MPP2: variants seen among roughly 807,000 people sequenced by gnomAD.
The protein encoded by MPP2 is MAGUK p55 subfamily member 2.
In MPP2, 42 loss-of-function variants were observed where a neutral mutation model predicts 58.5. The observed-to-expected ratio is 0.72, with a 90% confidence interval of 0.56 to 0.93. The LOEUF (loss-of-function observed/expected upper bound fraction) is 0.93. Ranked by LOEUF, MPP2 falls within the 40% of genes least tolerant of loss-of-function variation. MPP2 has a pLI of 0.00. For synonymous variants in MPP2, 300 were observed against 307.8 expected, an observed-to-expected ratio of 0.97 and a Z score of 0.26; for missense variants, 632 against 760.4, an observed-to-expected ratio of 0.83 and a Z score of 1.99.
At chr17:43,887,362 T>C (rs1165911945) in intron 3 of MPP2, among the ~76,000 whole-genome samples, 1 of 152,118 alleles carries the variant, frequency 6.6e-6, no homozygotes, top group Non-Finnish European at 1.5e-5. Flanking sequence ...CCAGCCTGAG[T>C]GACAGAGCAA....
intron 1 of MPP2, among the ~76,000 whole-genome samples, chr17:43,906,587 G>T (rs1284067048): frequency 6.6e-6 from 1 of 152,210 alleles, no homozygotes; most frequent in Non-Finnish European, 1.5e-5. Context: ...TCTGACAAAG[G>T]CGCTTTGGAG....
At chr17:43,906,389 A>G (rs1359476616) in intron 1 of MPP2, among the ~76,000 whole-genome samples, 1 of 152,180 alleles carries the variant, frequency 6.6e-6, no homozygotes, top group Non-Finnish European at 1.5e-5. Context: ...GCACCCAGAC[A>G]TCTGGGAACC....
Position 43,879,803 on chromosome 17 carries a change from G to T in MPP2, c.1332C>A (p.Cys444Ter). The T allele has an allele frequency of 6.2e-7, 1 of 1,613,642 alleles. No homozygotes were observed. Among genetic ancestry groups the T allele is most frequent in the Non-Finnish European group, 8.5e-7 (1 of 1,179,868 alleles). Residue 444 changes from cysteine (C) to a stop codon, truncating the protein, a stop_gained, in exon 11 of 13, where the codon TGC (cysteine) becomes TGA (stop). Coordinates refer to ENST00000269095, the MANE Select transcript of MPP2 (RefSeq NM_005374.5). LOFTEE classifies it high-confidence loss of function. The surrounding 1 kb of genome is among the most constrained non-coding windows in gnomAD (Gnocchi z 4.1). Reference protein sequence around the residue: ...IRGVVAAGKVCVLDVNPQAVK... With the variant: ...IRGVVAAGKV ...GTACCTGGGGGTTGACATCCAGCAC[G>T]CACACCTTCCCAGCAGCGACCACGC...
chr17:43,881,777 G>A (rs1339297962), intron 6 of MPP2, among the ~76,000 whole-genome samples, 188 bp from the exon 7 acceptor site: 2 of 152,128 alleles, frequency 1.3e-5, no homozygotes, highest in Non-Finnish European at 2.9e-5. Flanking sequence ...TAGTACTACA[G>A]GATTCAGATC....
Position 43,880,586 on chromosome 17 carries a change from A to G in MPP2, c.1150+105T>C. On this transcript the variant is annotated intron_variant, in intron 10 of 12. Coordinates refer to ENST00000269095, the MANE Select transcript of MPP2 (RefSeq NM_005374.5). The surrounding 1 kb of genome is among the most constrained non-coding windows in gnomAD (Gnocchi z 5.2). ...CCCAACCCGTGTACCCAAAGGTACC[A>G]CCTGGCCTGGTGCCCATGAAGATGC... The G allele has an allele frequency of 7.4e-7, 1 of 1,351,518 alleles. No individual in the cohort carries two copies. The highest frequency in any genetic ancestry group is 1.0e-6 in the Non-Finnish European group (1 of 1,001,856). The allele number at this position is 1,351,518 out of a possible 1,614,324, so 83.7% of individuals were successfully genotyped here.
In MPP2 at chr17:43,881,480, T is replaced by C; in HGVS notation, c.791A>G (p.Gln264Arg). ...NAGDLLQIVN[Q>R]DDANWWQACH... is the part of the protein sequence containing the mutation. ...CACCTGCCACCAGTTGGCATCATCC[T>C]GGTTTACGATCTGGAGCAAGTCCCC... The change falls in exon 7 of 13, where the codon CAG becomes CGG. Residue 264 changes from glutamine to arginine, a missense_variant. By Grantham distance (43) the Gln-to-Arg change is conservative (BLOSUM62 1). Transcript: ENST00000269095. 6.2e-7 allele frequency: 1 copy of C among 1,614,158 alleles called. No individual in the cohort carries two copies. The highest frequency in any genetic ancestry group is 8.5e-7 in the Non-Finnish European group (1 of 1,179,998).
chr17:43,898,345 G>A lies in MPP2; in HGVS notation c.67C>T (p.Pro23Ser), dbSNP rs1717000240. 6.2e-7 allele frequency: 1 copy of A among 1,614,062 alleles called. No individual in the cohort carries two copies. Among genetic ancestry groups the A allele is most frequent in the South Asian group, 1.1e-5 (1 of 91,080 alleles). ...QQVLDNLGSL[P>S]SATGAAELDL... ...AGCTCTGCAGCCCCCGTGGCACTGG[G>A]GAGGGATCCCAAGTTGTCCAGGACT... The change falls in exon 3 of 13, where the codon CCC (proline) becomes TCC (serine). Residue 23 changes from proline (P) to serine (S), a missense_variant. Coordinates refer to ENST00000269095, the MANE Select transcript of MPP2 (RefSeq NM_005374.5).
intron 3 of MPP2, among the ~76,000 whole-genome samples, chr17:43,891,429 C>A (rs925133004): frequency 6.6e-6 from 1 of 151,684 alleles, no homozygotes; most frequent in Non-Finnish European, 1.5e-5. Context: ...GCAGGAGAAT[C>A]GCTTGAACCT....
chr17:43,877,949 C>T lies in MPP2; in HGVS notation c.1517G>A (p.Ser506Asn). 3 of 1,613,894 alleles carry T rather than the reference C, an allele frequency of 1.9e-6. No homozygotes were observed. The highest frequency in any genetic ancestry group is 2.5e-6 in the Non-Finnish European group (3 of 1,179,910). Residue 506 changes from serine to asparagine, a missense_variant, in exon 13 of 13, where the codon AGC (serine) becomes AAC (asparagine). Physicochemically the swap from Ser to Asn is conservative, Grantham distance 46. Coordinates refer to ENST00000269095, the MANE Select transcript of MPP2 (RefSeq NM_005374.5). ...ADLRRTVEES[S>N]RIQRGYGHYF... ...GTGCCCGTAGCCCCGCTGGATGCGG[C>T]TGCTCTCCTCCACTGTCCGTCTCAG...
At position 43,880,448 on chromosome 17, in the gene MPP2, CAA is replaced by C. The variant is rs1407813346; in HGVS notation, c.1150+241_1150+242del. Among the ~76,000 whole-genome samples, 1 of 152,228 alleles carries C rather than the reference CAA, an allele frequency of 6.6e-6. No individual in the cohort carries two copies. Among genetic ancestry groups the C allele is most frequent in the African/African-American group, 2.4e-5 (1 of 41,458 alleles). ...TCTTCATGGCTTTTAGCAAGTGAAA[CAA>C]GAGAAGGAAAGTGGACGCCAGCCCA... is the stretch of plus-strand genomic sequence containing the variant. On this transcript the variant is annotated intron_variant, in intron 10 of 12. Coordinates refer to ENST00000269095, the MANE Select transcript of MPP2 (RefSeq NM_005374.5). This position sits in a 1 kb window ranked among gnomAD's most constrained non-coding sequence, Gnocchi z 5.2.
At position 43,876,130 on chromosome 17, in the gene MPP2, G is replaced by A. The variant is rs2046819188; in HGVS notation, c.*1677C>T. On this transcript the variant is annotated 3_prime_UTR_variant, in exon 13 of 13. Coordinates refer to ENST00000269095, the MANE Select transcript of MPP2 (RefSeq NM_005374.5). ...GTGTATAGTCTATGCAAATGCAAAT[G>A]AGATTCCTAGTATAAGAAATATATT... is the stretch of plus-strand genomic sequence containing the variant. The A allele has an allele frequency of 6.6e-6, 1 of 152,614 alleles. No individual in the cohort carries two copies. The highest frequency in any genetic ancestry group is 6.5e-5 in the Admixed American group (1 of 15,284). 9.5% of individuals were successfully genotyped at this position (152,614 alleles called of 1,614,324 possible). A position where few individuals can be genotyped will look rare whatever the true frequency, so the allele number is the denominator to read the frequency against.
intron 2 of MPP2, chr17:43,900,334 C>G (rs1253646330): frequency 1.1e-6 from 1 of 926,476 alleles, no homozygotes; most frequent in African/African-American, 1.7e-5. Context: ...TTGGTGCCCT[C>G]TGCCCAGGAC....
At chr17:43,894,226 G>C (rs925461213) in intron 3 of MPP2, among the ~76,000 whole-genome samples, 5 of 151,670 alleles carry the variant, frequency 3.3e-5, no homozygotes, top group African/African-American at 1.2e-4. Context: ...AGACCATCCT[G>C]GCCAACATGG....
rs999036171 is a variant in MPP2 at position 43,881,225 on chromosome 17, G to C, written c.919+19C>G. 6.2e-7 allele frequency: 1 copy of C among 1,613,562 alleles called. No individual in the cohort carries two copies. The highest frequency in any genetic ancestry group is 8.5e-7 in the Non-Finnish European group (1 of 1,179,532). On this transcript the variant is annotated intron_variant, in intron 8 of 12. Transcript: ENST00000269095. ...GTTGGATCCCAGATTGGAGGTGTGGGGTAGGGGGGACCTCCTACCTGAGTT... is the reference window on the plus strand; with the variant it reads ...GTTGGATCCCAGATTGGAGGTGTGGCGTAGGGGGGACCTCCTACCTGAGTT...
chr17:43,886,943 AAT>A (rs1036222454), intron 3 of MPP2, among the ~76,000 whole-genome samples: 18 of 152,120 alleles, frequency 1.2e-4, no homozygotes, highest in Admixed American at 1.2e-3. Context: ...TATTTTAAAA[AAT>A]GTTTTCTCTC....
chr17:43,890,063 C>T (rs532149905), intron 3 of MPP2, among the ~76,000 whole-genome samples: 6 of 152,104 alleles, frequency 3.9e-5, no homozygotes, highest in Middle Eastern at 3.4e-3. Context: ...CCACCCACCT[C>T]GGCCTCCCAA....
chr17:43,908,497 G>A (rs570299590), upstream of MPP2, among the ~76,000 whole-genome samples: 4 of 152,362 alleles, frequency 2.6e-5, no homozygotes, highest in South Asian at 2.1e-4. Context: ...CACTTTGGGA[G>A]TCGGAGGCGG....
rs756004719 is a variant in MPP2, at chr17:43,879,808, C to G, written c.1327G>C (p.Val443Leu). 3.7e-6 allele frequency: 6 copies of G among 1,613,654 alleles called. No homozygotes were observed. The highest frequency in any genetic ancestry group is 3.3e-4 in the Middle Eastern group (2 of 6,066). The stretch of plus-strand genomic sequence containing the variant: ...TGGGGGTTGACATCCAGCACGCACA[C>G]CTTCCCAGCAGCGACCACGCCCCGG... ...SIRGVVAAGK[V>L]CVLDVNPQAV... The change falls in exon 11 of 13, where the codon GTG (valine) becomes CTG (leucine). Residue 443 changes from valine to leucine, a missense_variant. Val to Leu is a conservative substitution (Grantham distance 32). Coordinates refer to ENST00000269095, the MANE Select transcript of MPP2 (RefSeq NM_005374.5). The surrounding 1 kb of genome is among the most constrained non-coding windows in gnomAD (Gnocchi z 4.1).
intron 2 of MPP2, among the ~76,000 whole-genome samples, chr17:43,900,005 C>G (rs1422861987): frequency 6.6e-6 from 1 of 152,196 alleles, no homozygotes; most frequent in African/African-American, 2.4e-5. Context: ...TGGCGCCTCT[C>G]AATGCTCTTG....
Sources: allele counts gnomAD v4.1 joint callset (sites outside exome capture counted in the v4.1 genomes callset), GRCh38; gene constraint gnomAD v4.1.1; non-coding constraint Gnocchi (gnomAD v3.1); transcripts MANE v1.5; gene names NCBI Gene and HGNC (gene_info 2026-07-23, HGNC 2026-07-21).